Variants in SLC30A8 observed in about 807,000 individuals in gnomAD.
The protein encoded by SLC30A8 is solute carrier family 30 member 8.
Under a neutral mutation model 36.9 loss-of-function variants are expected in SLC30A8, and 27 were observed. The ratio of observed to expected loss-of-function variants is 0.73; its 90% CI spans 0.54 to 1.01. The LOEUF (loss-of-function observed/expected upper bound fraction) is 1.01. Ranked by LOEUF, SLC30A8 falls within the 50% of genes least tolerant of loss-of-function variation. The probability of loss-of-function intolerance (pLI) is 0.00; values close to 1 mark genes in which losing one functional copy is unlikely to be tolerated. For missense variants in SLC30A8, 439 were observed against 452.0 expected, an observed-to-expected ratio of 0.97 and a Z score of 0.26; for synonymous variants, 164 against 172.4, an observed-to-expected ratio of 0.95 and a Z score of 0.38.
chr8:117,172,454 C>CA, intron 7 of SLC30A8, 82 bp from the exon 8 acceptor site: 2 of 1,595,152 alleles, frequency 1.3e-6, no homozygotes, highest in Non-Finnish European at 1.7e-6. Context: ...AGGTCAAAGA[C>CA]AAAGTACTTG....
At chr8:117,104,942 A>G (rs370977004) in intron 2 of SLC30A8, among the ~76,000 whole-genome samples, 2 of 152,112 alleles carry the variant, frequency 1.3e-5, no homozygotes, top group Non-Finnish European at 2.9e-5. Flanking sequence ...GTAAATTGTC[A>G]TGGCACTGGT....
At chr8:117,050,672 C>T (rs922277843) in intron 2 of SLC30A8, among the ~76,000 whole-genome samples, 1 of 152,186 alleles carries the variant, frequency 6.6e-6, no homozygotes, top group Non-Finnish European at 1.5e-5. Context: ...TCTCAAAGTG[C>T]TGAGATTACA....
chr8:117,043,972 C>T (rs773210755), intron 2 of SLC30A8, among the ~76,000 whole-genome samples: 2 of 152,152 alleles, frequency 1.3e-5, no homozygotes, highest in African/African-American at 2.4e-5. Context: ...CTTTGAGGAG[C>T]TTACATTCTT....
intron 1 of SLC30A8, among the ~76,000 whole-genome samples, chr8:117,009,809 C>G (rs1270502751): frequency 1.3e-5 from 2 of 152,144 alleles, no homozygotes; most frequent in Non-Finnish European, 2.9e-5. Context: ...TTGACTGGGT[C>G]CACAATTCAC....
At position 117,026,576 on chromosome 8, in the gene SLC30A8, C is replaced by T. The variant is rs2130732867; in HGVS notation, c.-265-12643C>T. On this transcript the variant is annotated intron_variant, in intron 1 of 10. Transcript: ENST00000427715. ...GGTTTATTAGCCTCCTTTTATTTTGCAGTGATTCACTGCGGTAGACAGAGA... is the reference window on the plus strand; with the variant it reads ...GGTTTATTAGCCTCCTTTTATTTTGTAGTGATTCACTGCGGTAGACAGAGA... Among the ~76,000 whole-genome samples, 4 of 152,272 alleles carry T rather than the reference C, an allele frequency of 2.6e-5. No individual in the cohort carries two copies. In the South Asian group the frequency reaches 8.3e-4, roughly 32 times the overall value.
At chr8:117,162,098 A>G (rs570240315) in intron 5 of SLC30A8, among the ~76,000 whole-genome samples, 1 of 152,328 alleles carries the variant, frequency 6.6e-6, no homozygotes, top group East Asian at 1.9e-4. Flanking sequence ...ATTATAAGCA[A>G]TAGGGAACAT....
chr8:117,035,613 C>T (rs529961328), intron 1 of SLC30A8, among the ~76,000 whole-genome samples: 2 of 152,342 alleles, frequency 1.3e-5, no homozygotes, highest in African/African-American at 4.8e-5. Flanking sequence ...CGAAGCAGTG[C>T]CCCAGTGAGG....
At chr8:117,058,975 T>C (rs1185865375) in intron 2 of SLC30A8, among the ~76,000 whole-genome samples, 1 of 152,176 alleles carries the variant, frequency 6.6e-6, no homozygotes, top group Non-Finnish European at 1.5e-5. Context: ...CATACCTTTT[T>C]TACCTAATTT....
intron 1 of SLC30A8, among the ~76,000 whole-genome samples, chr8:117,035,286 G>A (rs1361889106): frequency 2.0e-5 from 3 of 152,230 alleles, no homozygotes; most frequent in Non-Finnish European, 2.9e-5. Flanking sequence ...CCAAGATACA[G>A]TAAGGGTACA....
intron 1 of SLC30A8, among the ~76,000 whole-genome samples, chr8:116,981,930 C>T (rs898113408): frequency 3.3e-5 from 5 of 152,112 alleles, no homozygotes; most frequent in Non-Finnish European, 7.3e-5. Flanking sequence ...TGTGTATATA[C>T]TCAGTAATAG....
intron 1 of SLC30A8, among the ~76,000 whole-genome samples, chr8:117,139,878 A>AAG (rs1477630305): frequency 2.0e-5 from 3 of 150,628 alleles, no homozygotes; most frequent in African/African-American, 7.4e-5. Context: ...AAAAAAAAAA[A>AAG]GTAGAAACAG....
chr8:116,984,092 C>G (rs1396190612), intron 1 of SLC30A8, among the ~76,000 whole-genome samples: 1 of 152,024 alleles, frequency 6.6e-6, no homozygotes, highest in African/African-American at 2.4e-5. Flanking sequence ...TAACATGCAA[C>G]CCTTTGAAAC....
intron 2 of SLC30A8, among the ~76,000 whole-genome samples, chr8:117,084,794 A>G (rs979579913): frequency 3.3e-5 from 5 of 152,176 alleles, no homozygotes; most frequent in Non-Finnish European, 7.4e-5. Context: ...AATCAAGGAC[A>G]TCGTGCCTCA....
chr8:117,073,082 C>G (rs537066967), intron 2 of SLC30A8, among the ~76,000 whole-genome samples: 1 of 152,120 alleles, frequency 6.6e-6, no homozygotes, highest in Admixed American at 6.5e-5. Flanking sequence ...ATTTTTGGAT[C>G]ATTTTGCTGC....
intron 1 of SLC30A8, among the ~76,000 whole-genome samples, chr8:116,968,740 A>G (rs1035729519): frequency 6.6e-6 from 1 of 150,980 alleles, no homozygotes; most frequent in Admixed American, 6.6e-5. Context: ...TCTTTTTTTT[A>G]ATTTATTTAT....
At chr8:116,983,261 T>C (rs1815336553) in intron 1 of SLC30A8, among the ~76,000 whole-genome samples, 1 of 152,176 alleles carries the variant, frequency 6.6e-6, no homozygotes, top group African/African-American at 2.4e-5. Context: ...CTTTCTGAGA[T>C]ATAATTTTGC....
chr8:117,016,144 TA>T (rs1380513468), intron 1 of SLC30A8, among the ~76,000 whole-genome samples: 2 of 152,212 alleles, frequency 1.3e-5, no homozygotes, highest in Non-Finnish European at 2.9e-5. Context: ...CAGAAGAAAC[TA>T]GAAATCCAGA....
At chr8:117,031,812 G>A (rs1460316137) in intron 1 of SLC30A8, among the ~76,000 whole-genome samples, 3 of 152,034 alleles carry the variant, frequency 2.0e-5, no homozygotes, top group East Asian at 3.9e-4. Flanking sequence ...ATTCCTGCAC[G>A]TGCTTGATGC....
chr8:117,003,572 T>A (rs1816083366), intron 1 of SLC30A8, among the ~76,000 whole-genome samples: 1 of 152,238 alleles, frequency 6.6e-6, no homozygotes, highest in South Asian at 2.1e-4. Context: ...CTTTAAATTC[T>A]GCTGCCGTTC....
Sources: gnomAD v4.1 joint callset for allele counts (sites outside exome capture counted in the v4.1 genomes callset) on GRCh38, gnomAD v4.1.1 for gene constraint, MANE v1.5 for transcripts, NCBI Gene and HGNC (gene_info 2026-07-23, HGNC 2026-07-21) for gene names.